CLVS1: variants seen among roughly 807,000 people sequenced by gnomAD.
CLVS1 encodes clavesin-1.
In CLVS1, 10 loss-of-function variants were observed where a neutral mutation model predicts 33.1. The observed-to-expected ratio is 0.30, with a 90% CI of 0.19 to 0.51. The LOEUF (loss-of-function observed/expected upper bound fraction) is 0.51. Among genes scored for constraint, CLVS1 ranks in the 20% least tolerant of loss-of-function variants. The pLI is 0.97. For synonymous variants in CLVS1, 163 were observed against 166.1 expected, an observed-to-expected ratio of 0.98 and a Z score of 0.14; for missense variants, 343 against 433.4, an observed-to-expected ratio of 0.79 and a Z score of 1.85.
At chr8:61,236,951 T>G (rs1350078628) in intron 2 of CLVS1, among the ~76,000 whole-genome samples, 2 of 152,218 alleles carry the variant, frequency 1.3e-5, no homozygotes, top group Admixed American at 6.5e-5. Context: ...AGAGTGCAAT[T>G]CATTAAGGAA....
At chr8:61,191,354 TA>T (rs1489818278) in intron 2 of CLVS1, among the ~76,000 whole-genome samples, 3 of 152,140 alleles carry the variant, frequency 2.0e-5, no homozygotes, top group Admixed American at 6.6e-5. Context: ...CTCAATAAAT[TA>T]GGCATTGATG....
rs569363386 is a variant in CLVS1, at chr8:61,230,655, C to A, written c.-151-69022C>A. Among the ~76,000 whole-genome samples, 4 of 152,320 alleles carry A rather than the reference C, an allele frequency of 2.6e-5. No homozygotes were observed. The East Asian group carries it at 7.7e-4, about 29-fold the overall frequency. On this transcript the variant is annotated intron_variant, in intron 2 of 2. Transcript: ENST00000522621. ...TTTGCTGTTTTTTCTTTACTTCCCC[C>A]TTTCCTGCTCATCACTCAAGCTTCC... is the stretch of plus-strand genomic sequence containing the variant.
chr8:61,372,118 G>A (rs1813463386), intron 2 of CLVS1, among the ~76,000 whole-genome samples: 1 of 152,098 alleles, frequency 6.6e-6, no homozygotes, highest in Non-Finnish European at 1.5e-5. Flanking sequence ...TGTCATGTTA[G>A]TTCATTTTGA....
intron 3 of CLVS1, among the ~76,000 whole-genome samples, 188 bp from the exon 4 acceptor site, chr8:61,453,953 G>A (rs1291802021): frequency 6.6e-6 from 1 of 152,144 alleles, no homozygotes; most frequent in Non-Finnish European, 1.5e-5. Context: ...GGGAGAGAAG[G>A]GAGACAAGGG....
intron 2 of CLVS1, among the ~76,000 whole-genome samples, chr8:61,334,013 C>T (rs1412845406): frequency 6.6e-6 from 1 of 152,282 alleles, no homozygotes; most frequent in Non-Finnish European, 1.5e-5. Context: ...CCATCCATGT[C>T]CCTGCAAAAG....
At chr8:61,056,668 C>A (rs1804477637), upstream of CLVS1, among the ~76,000 whole-genome samples, 1 of 152,206 alleles carries the variant, frequency 6.6e-6, no homozygotes, top group Non-Finnish European at 1.5e-5. Flanking sequence ...GATGTTGACA[C>A]AAATCTCAAG....
At chr8:61,048,933 C>T in the CLVS1 span, among the ~76,000 whole-genome samples, 1 of 152,020 alleles carries the variant, frequency 6.6e-6, no homozygotes, top group Admixed American at 6.6e-5. Flanking sequence ...GTCCTCTGTC[C>T]TGGAGAGTAG....
chr8:61,180,797 A>C (rs988293407), intron 2 of CLVS1, among the ~76,000 whole-genome samples: 14 of 152,184 alleles, frequency 9.2e-5, no homozygotes, highest in Non-Finnish European at 2.9e-5. Context: ...ATCGCTTCAT[A>C]TTAAAAACTC....
intron 1 of CLVS1, among the ~76,000 whole-genome samples, chr8:61,297,191 A>G (rs1157076528): frequency 2.0e-5 from 3 of 152,160 alleles, no homozygotes; most frequent in Non-Finnish European, 2.9e-5. Flanking sequence ...ACATAGTTTT[A>G]TACTTTATCC....
At chr8:61,179,003 C>A (rs531594929) in intron 2 of CLVS1, among the ~76,000 whole-genome samples, 2 of 152,262 alleles carry the variant, frequency 1.3e-5, no homozygotes, top group Non-Finnish European at 1.5e-5. Flanking sequence ...AGAATACTAA[C>A]CTTAAATGTA....
the CLVS1 span, among the ~76,000 whole-genome samples, chr8:61,004,677 G>T: frequency 2.0e-5 from 3 of 152,200 alleles, no homozygotes; most frequent in African/African-American, 4.8e-5. Context: ...CTGGCGACAG[G>T]GTGGGGCCTG....
At chr8:61,155,206 A>G (rs980819661) in intron 2 of CLVS1, among the ~76,000 whole-genome samples, 4 of 152,242 alleles carry the variant, frequency 2.6e-5, no homozygotes, top group African/African-American at 9.6e-5. Context: ...AAAACCCTCC[A>G]GGATCTCTCT....
At chr8:61,105,106 A>G (rs1421661904) in intron 1 of CLVS1, among the ~76,000 whole-genome samples, 3 of 152,348 alleles carry the variant, frequency 2.0e-5, no homozygotes, top group Non-Finnish European at 4.4e-5. Context: ...CTGGAATTAC[A>G]GGCATGAGCC....
chr8:60,989,555 C>A, the CLVS1 span, among the ~76,000 whole-genome samples: 38 of 152,116 alleles, frequency 2.5e-4, no homozygotes, highest in Admixed American at 1.3e-4. Flanking sequence ...TCTACGTGAC[C>A]CCTGAAGCTA....
Position 61,415,553 on chromosome 8 carries a change from A to G in CLVS1, c.631-38588A>G, listed in dbSNP as rs188626606. Among the ~76,000 whole-genome samples, 1,385 of 152,342 alleles carry G rather than the reference A, an allele frequency of 9.1e-3. 4 individuals carry two copies. The highest frequency in any genetic ancestry group is 0.015 in the Non-Finnish European group (1,025 of 68,026). ...ACACATCAAAATAATCAACTGTTCC[A>G]TAGATTCTCCCCTCCTTGTCATCAA... On this transcript the variant is annotated intron_variant, in intron 3 of 5. Transcript: ENST00000325897.
intron 5 of CLVS1, among the ~76,000 whole-genome samples, chr8:61,482,333 C>G (rs1818225251): frequency 6.6e-6 from 1 of 152,222 alleles, no homozygotes; most frequent in Non-Finnish European, 1.5e-5. Flanking sequence ...AGCAATGGAA[C>G]AAAGCTGGAT....
chr8:61,098,199 G>A (rs562500611), intron 1 of CLVS1, among the ~76,000 whole-genome samples: 10 of 152,132 alleles, frequency 6.6e-5, no homozygotes, highest in Non-Finnish European at 8.8e-5. Flanking sequence ...AAGGGAGAGA[G>A]AGCGCAGAGA....
intron 1 of CLVS1, among the ~76,000 whole-genome samples, chr8:61,128,359 TCA>T (rs1806018367): frequency 6.6e-6 from 1 of 152,240 alleles, no homozygotes; most frequent in African/African-American, 2.4e-5. Context: ...ATATATTACC[TCA>T]GACTCTTTGA....
chr8:61,114,002 C>T (rs1563407731), intron 1 of CLVS1, among the ~76,000 whole-genome samples: 1 of 152,210 alleles, frequency 6.6e-6, no homozygotes, highest in East Asian at 1.9e-4. Flanking sequence ...ATACTTTAGG[C>T]CTTGTGGCCC....
Sources: gnomAD v4.1 joint callset for allele counts (sites outside exome capture counted in the v4.1 genomes callset) on GRCh38, gnomAD v4.1.1 for gene constraint, MANE v1.5 for transcripts, NCBI Gene and HGNC (gene_info 2026-07-23, HGNC 2026-07-21) for gene names.